The following ERICH3 variants were observed in gnomAD, a reference collection of about 807,000 sequenced individuals.
The protein encoded by ERICH3 is glutamate rich 3.
A neutral mutation model predicts 131.1 loss-of-function variants in ERICH3; 126 were observed. That is an observed-to-expected ratio of 0.96 (90% CI 0.83 to 1.11). The LOEUF (loss-of-function observed/expected upper bound fraction) is 1.11, where lower values mean the gene tolerates loss of function less well. Ranked by LOEUF, ERICH3 falls within the 50% of genes most tolerant of loss-of-function variation. The pLI is 0.00. For missense variants in ERICH3, 2,050 were observed against 1,810.7 expected, an observed-to-expected ratio of 1.13 and a Z score of -2.40; for synonymous variants, 695 against 644.6, an observed-to-expected ratio of 1.08 and a Z score of -1.18.
In ERICH3 at chr1:74,584,775, T is replaced by C. The variant is rs983426379; in HGVS notation, c.2176+4856A>G. On this transcript the variant is annotated intron_variant, in intron 12 of 14. Transcript: ENST00000326665. Reference sequence around the variant, plus strand: ...GTGGAAAGGGACTCTTATGTTCACATTGAGAACAGTGTGTGGCATAAAGCA... The same window carrying C: ...GTGGAAAGGGACTCTTATGTTCACACTGAGAACAGTGTGTGGCATAAAGCA... 1.4e-4 allele frequency among the ~76,000 whole-genome samples: 22 copies of C among 152,308 alleles called. No individual in the cohort carries two copies. The East Asian group carries it at 3.3e-3, about 23-fold the overall frequency.
intron 7 of ERICH3, chr1:74,625,581 T>C (rs1026931788): frequency 6.6e-6 from 1 of 152,142 alleles, no homozygotes; most frequent in Non-Finnish European, 1.5e-5. Flanking sequence ...ATAGTACTCA[T>C]CACAATATAT....
rs77857865 is a variant in ERICH3, at chr1:74,571,661, G to T, written c.4049C>A (p.Ala1350Glu). ...VEVLHGGGET[A>E]ETAAEEREVL... ...CTCCCTCTCCTCTGCGGCTGTTTCT[G>T]CCGTTTCACCACCTCCGTGTAGAAC... Residue 1350 changes from alanine (A) to glutamate (E), a missense_variant, in exon 14 of 15, where the codon GCA becomes GAA. By Grantham distance (107) the Ala-to-Glu change is moderately radical. Coordinates refer to ENST00000326665, the MANE Select transcript of ERICH3 (RefSeq NM_001002912.5). 1 of 1,614,084 alleles carries T rather than the reference G, an allele frequency of 6.2e-7. No individual in the cohort carries two copies. Among genetic ancestry groups the T allele is most frequent in the Non-Finnish European group, 8.5e-7 (1 of 1,180,018 alleles).
Position 74,612,804 on chromosome 1 carries a change from A to C in ERICH3, c.1006T>G (p.Phe336Val), listed in dbSNP as rs1432491620. Reference sequence around the variant, plus strand: ...TGATGCCTTTTGGAAATAAACTGAAAGGTCTCTGGAATTAAAATAGAAATA... The same window carrying C: ...TGATGCCTTTTGGAAATAAACTGAACGGTCTCTGGAATTAAAATAGAAATA... ...YKGKLLEKET[F>V]QFISKRHHGF... Residue 336 changes from phenylalanine (F) to valine (V), a missense_variant, in exon 9 of 15, where the codon TTT becomes GTT. Phe to Val is a conservative substitution (Grantham distance 50, BLOSUM62 -1). Transcript: ENST00000326665. 1 of 1,569,728 alleles carries C rather than the reference A, an allele frequency of 6.4e-7. No individual in the cohort carries two copies.
intron 12 of ERICH3, among the ~76,000 whole-genome samples, chr1:74,582,551 C>T (rs989137378): frequency 6.6e-6 from 1 of 152,042 alleles, no homozygotes; most frequent in Non-Finnish European, 1.5e-5. Flanking sequence ...CCCTAAAAGT[C>T]GATTTATAGC....
At chr1:74,608,948 C>T (rs540466640) in intron 9 of ERICH3, among the ~76,000 whole-genome samples, 1 of 152,128 alleles carries the variant, frequency 6.6e-6, no homozygotes, top group Admixed American at 6.5e-5. Flanking sequence ...TTTGATGCCT[C>T]CCTACTGCAT....
At chr1:74,634,893 A>G in intron 6 of ERICH3, 1 of 435,164 alleles carries the variant, frequency 2.3e-6, no homozygotes, top group Non-Finnish European at 4.1e-6. Context: ...CTATTACACT[A>G]TCTCCCCTCA....
At chr1:74,656,319 T>C (rs1646583245) in intron 1 of ERICH3, among the ~76,000 whole-genome samples, 1 of 152,164 alleles carries the variant, frequency 6.6e-6, no homozygotes. Flanking sequence ...ACTGATGACC[T>C]TGGCATTTAG....
At chr1:74,673,400 C>A in intron 1 of ERICH3, 97 bp downstream of exon 1, 1 of 1,490,252 alleles carries the variant, frequency 6.7e-7, no homozygotes, top group Admixed American at 1.8e-5. Context: ...CCTCGCTCCC[C>A]TCTCGCCCCT....
chr1:74,580,776 C>G (rs898167771), intron 12 of ERICH3, among the ~76,000 whole-genome samples: 9 of 152,006 alleles, frequency 5.9e-5, no homozygotes, highest in African/African-American at 1.9e-4. Flanking sequence ...TTTTTTCCAG[C>G]CTTTATTTTA....
chr1:74,586,577 G>A (rs1404993598), intron 12 of ERICH3: 1 of 799,626 alleles, frequency 1.3e-6, no homozygotes, highest in Non-Finnish European at 1.5e-6. Flanking sequence ...TATAACTTTT[G>A]AACAAAAATT....
At position 74,643,092 on chromosome 1, in the gene ERICH3, G is replaced by A. The variant is rs1208621528; in HGVS notation, c.250C>T (p.His84Tyr). Reference protein sequence around the residue: ...FHKVLDMERYHQLEIKKKLET... With the variant: ...FHKVLDMERYYQLEIKKKLET... Reference sequence around the variant, plus strand: ...AATTTCTTTTTTATTTCAAGCTGATGGTAACGCTAAGCATACAGGAAAGAA... The same window carrying A: ...AATTTCTTTTTTATTTCAAGCTGATAGTAACGCTAAGCATACAGGAAAGAA... Residue 84 changes from histidine (H) to tyrosine (Y), a missense_variant, in exon 4 of 15, where the codon CAT (histidine) becomes TAT (tyrosine). By Grantham distance (83) the His-to-Tyr change is moderately conservative. Coordinates refer to ENST00000326665, the MANE Select transcript of ERICH3 (RefSeq NM_001002912.5). 3 of 1,609,504 alleles carry A rather than the reference G, an allele frequency of 1.9e-6. No homozygotes were observed. Among genetic ancestry groups the A allele is most frequent in the East Asian group, 2.2e-5 (1 of 44,688 alleles).
rs780452699 is a variant in ERICH3 at position 74,573,378 on chromosome 1, C to A, written c.2332G>T (p.Asp778Tyr). Residue 778 changes from aspartate to tyrosine, a missense_variant, in exon 14 of 15, where the codon GAT becomes TAT. Physicochemically the swap from Asp to Tyr is radical, Grantham distance 160. Coordinates refer to ENST00000326665, the MANE Select transcript of ERICH3 (RefSeq NM_001002912.5). ...GCATCTCTGTGCTGGGGCGCTTCAT[C>A]TTCCTCCATTGCTTCTTTCTTCTCC... The part of the protein sequence containing the change: ...TLEKKEAMEE[D>Y]EAPQHRDADI... 25 of 1,609,080 alleles carry A rather than the reference C, an allele frequency of 1.6e-5. No homozygotes were observed. Among genetic ancestry groups the A allele is most frequent in the Admixed American group, 1.7e-5 (1 of 58,752 alleles).
At chr1:74,646,270 A>G (rs532014915) in intron 3 of ERICH3, among the ~76,000 whole-genome samples, 4 of 152,254 alleles carry the variant, frequency 2.6e-5, no homozygotes, top group Admixed American at 2.6e-4. Flanking sequence ...TGATATTTAA[A>G]CAGATGTCAC....
chr1:74,645,543 T>C (rs960578450), intron 3 of ERICH3, among the ~76,000 whole-genome samples: 1 of 151,940 alleles, frequency 6.6e-6, no homozygotes, highest in Non-Finnish European at 1.5e-5. Flanking sequence ...TGTCACAGGG[T>C]GTTAAGTGAG....
intron 5 of ERICH3, among the ~76,000 whole-genome samples, chr1:74,639,803 A>G (rs941125715): frequency 6.6e-5 from 10 of 152,180 alleles, no homozygotes; most frequent in African/African-American, 9.7e-5. Context: ...AAAAAGTTAA[A>G]AAAGAAAAAA....
At chr1:74,643,627 G>A (rs1418234041) in intron 3 of ERICH3, among the ~76,000 whole-genome samples, 1 of 152,118 alleles carries the variant, frequency 6.6e-6, no homozygotes, top group Non-Finnish European at 1.5e-5. Context: ...AATTTATCAA[G>A]CTCATATTGT....
At chr1:74,627,449 A>C (rs1024122032) in intron 7 of ERICH3, among the ~76,000 whole-genome samples, 1 of 152,124 alleles carries the variant, frequency 6.6e-6, no homozygotes, top group African/African-American at 2.4e-5. Flanking sequence ...TTAAAAAAAA[A>C]CTAAGATGGT....
intron 7 of ERICH3, among the ~76,000 whole-genome samples, chr1:74,631,483 A>G (rs1443138313): frequency 6.6e-6 from 1 of 152,172 alleles, no homozygotes; most frequent in African/African-American, 2.4e-5. Flanking sequence ...AAATTTGACC[A>G]CAAGAATTGT....
rs1000804645 is a variant in ERICH3 at position 74,673,667 on chromosome 1, G to A, written c.-148C>T. 6.0e-6 allele frequency: 4 copies of A among 670,628 alleles called. No homozygotes were observed. Among genetic ancestry groups the A allele is most frequent in the East Asian group, 3.6e-5 (1 of 27,994 alleles). The allele number at this position is 670,628 out of a possible 1,614,324, so 41.5% of individuals were successfully genotyped here. A position where few individuals can be genotyped will look rare whatever the true frequency, so the allele number is the denominator to read the frequency against. ...CGGGCACCTGGGCTGGGCCGCCGCC[G>A]CCCCTGGGCGCCCGGGCTACCCGCA... is the stretch of plus-strand genomic sequence containing the variant. On this transcript the variant is annotated 5_prime_UTR_variant, in exon 1 of 15. Transcript: ENST00000326665.
Sources: gnomAD v4.1 joint callset for allele counts (sites outside exome capture counted in the v4.1 genomes callset) on GRCh38, gnomAD v4.1.1 for gene constraint, MANE v1.5 for transcripts, NCBI Gene and HGNC (gene_info 2026-07-23, HGNC 2026-07-21) for gene names.